ABCC1: variants seen among roughly 807,000 people sequenced by gnomAD.
ABCC1 encodes the protein ATP binding cassette subfamily C member 1 (ABCC1 blood group).
ABCC1 carries 83 observed loss-of-function variants against 172.9 expected under a neutral mutation model. That is an observed-to-expected ratio of 0.48 (90% CI 0.40 to 0.58). The LOEUF (loss-of-function observed/expected upper bound fraction) is 0.58, where lower values mean the gene tolerates loss of function less well. Among genes scored for constraint, ABCC1 ranks in the 20% least tolerant of loss-of-function variants. The probability of loss-of-function intolerance (pLI) is 0.00; values close to 1 mark genes in which losing one functional copy is unlikely to be tolerated. For synonymous variants in ABCC1, 937 were observed against 825.2 expected (o/e 1.14, Z -2.32); for missense variants, 1,817 against 2,002.7 (o/e 0.91, Z 1.77).
intron 7 of ABCC1, among the ~76,000 whole-genome samples, chr16:16,041,909 C>T (rs138395120): frequency 6.6e-6 from 1 of 152,058 alleles, no homozygotes; most frequent in Non-Finnish European, 1.5e-5. Flanking sequence ...CCAGCCTGGC[C>T]AACATGGTGA....
chr16:16,066,803 T>A (rs577204020), intron 12 of ABCC1, among the ~76,000 whole-genome samples: 21 of 150,574 alleles, frequency 1.4e-4, no homozygotes, highest in African/African-American at 5.1e-4. Context: ...ACTTGGAGAC[T>A]GAGGCATGAG....
chr16:16,136,794 G>A lies in ABCC1; in HGVS notation c.4292+150G>A, dbSNP rs913333239. 1.8e-5 allele frequency: 17 copies of A among 943,260 alleles called. No homozygotes were observed. In the Admixed American group the frequency reaches 3.7e-4, roughly 21 times the overall value. The allele number at this position is 943,260 out of a possible 1,614,324, so 58.4% of individuals were successfully genotyped here. A position where few individuals can be genotyped will look rare whatever the true frequency, so the allele number is the denominator to read the frequency against. On this transcript the variant is annotated intron_variant, in intron 29 of 30. Transcript: ENST00000399410. The stretch of plus-strand genomic sequence containing the variant: ...TTCACCTCTTGGAGCCTCAGTTTCT[G>A]TATCTGTAAAACGGGTCTCAATCCA...
chr16:16,048,198 C>T lies in ABCC1; in HGVS notation c.1275C>T (p.Asn425=), dbSNP rs1431072035. 2.5e-6 allele frequency: 4 copies of T among 1,614,078 alleles called. No homozygotes were observed. The African/African-American group carries it at 5.3e-5, about 22-fold the overall frequency. ...RKSSTVGEIV[N]LMSVDAQRFM... is the part of the protein sequence containing the mutation. Reference sequence around the variant, plus strand: ...CCTCCACGGTCGGGGAGATTGTCAACCTCATGTCTGTGGACGCTCAGAGGT... The same window carrying T: ...CCTCCACGGTCGGGGAGATTGTCAATCTCATGTCTGTGGACGCTCAGAGGT... The change falls in exon 10 of 31, where the codon AAC becomes AAT. Residue 425 remains asparagine (N), a synonymous_variant. Transcript: ENST00000399410.
intron 1 of ABCC1, among the ~76,000 whole-genome samples, chr16:16,004,379 C>G (rs1473009847): frequency 6.6e-6 from 1 of 152,158 alleles, no homozygotes; most frequent in Non-Finnish European, 1.5e-5. Flanking sequence ...TTGGAATGAG[C>G]TTTTACTGGC....
chr16:16,009,534 T>A (rs1313922835), intron 2 of ABCC1, among the ~76,000 whole-genome samples: 2 of 152,072 alleles, frequency 1.3e-5, no homozygotes, highest in Non-Finnish European at 2.9e-5. Flanking sequence ...AGACAAACAG[T>A]CCTGTTGGAG....
At chr16:16,010,474 A>G (rs562502378) in intron 3 of ABCC1, among the ~76,000 whole-genome samples, 3 of 152,196 alleles carry the variant, frequency 2.0e-5, no homozygotes, top group Admixed American at 1.3e-4. Flanking sequence ...TTGCTCTTGC[A>G]TTGGCTACTT....
intron 1 of ABCC1, among the ~76,000 whole-genome samples, chr16:15,991,197 G>A (rs187187444): frequency 3.3e-5 from 5 of 152,090 alleles, no homozygotes; most frequent in East Asian, 1.9e-4. Flanking sequence ...GGCGTTTAGC[G>A]TCCAGCTCAA....
chr16:16,068,260 TC>T lies in ABCC1; in HGVS notation c.1786del (p.Leu596Ter). ...SLALFNILRF[P>X]LNILPMVISS... ...TGGCCTTGTTCAACATCCTCCGGTT[TC>T]CCCTGAACATTCTCCCCATGGTCAT... On this transcript the variant is annotated frameshift_variant, in exon 13 of 31. Coordinates refer to ENST00000399410, the MANE Select transcript of ABCC1 (RefSeq NM_004996.4). LOFTEE classifies it high-confidence loss of function. 1 of 1,614,106 alleles carries T rather than the reference TC, an allele frequency of 6.2e-7. No homozygotes were observed.
At chr16:16,134,559 GAT>G in intron 28 of ABCC1, 51 bp downstream of exon 28, 1 of 1,565,912 alleles carries the variant, frequency 6.4e-7, no homozygotes, top group Non-Finnish European at 8.7e-7. Flanking sequence ...CAAGCCCTAT[GAT>G]TGCACTGACA....
At position 16,141,318 on chromosome 16, in the gene ABCC1, C is replaced by T; in HGVS notation, c.*37C>T. The stretch of plus-strand genomic sequence containing the variant: ...GGCATATCTGGTCAGAACTGCAGGG[C>T]CTATATGCCAGCGCCCAGGGAGGAG... On this transcript the variant is annotated 3_prime_UTR_variant, in exon 31 of 31. Coordinates refer to ENST00000399410, the MANE Select transcript of ABCC1 (RefSeq NM_004996.4). The T allele has an allele frequency of 1.3e-6, 2 of 1,590,496 alleles. No homozygotes were observed. Among genetic ancestry groups the T allele is most frequent in the Non-Finnish European group, 8.6e-7 (1 of 1,159,900 alleles).
At chr16:16,014,668 C>T in intron 4 of ABCC1, 40 bp downstream of exon 4, 1 of 1,608,446 alleles carries the variant, frequency 6.2e-7, no homozygotes, top group Non-Finnish European at 8.5e-7. Context: ...TTCAGTGGAC[C>T]CGGAGGGAGA....
intron 1 of ABCC1, among the ~76,000 whole-genome samples, chr16:15,984,900 T>C (rs1428572544): frequency 7.9e-5 from 12 of 151,930 alleles, no homozygotes; most frequent in African/African-American, 2.9e-4. Flanking sequence ...CTCAGGAGTT[T>C]GAGACCAGCC....
At chr16:15,971,724 C>T (rs568383832) in intron 1 of ABCC1, among the ~76,000 whole-genome samples, 2 of 152,222 alleles carry the variant, frequency 1.3e-5, no homozygotes, top group Non-Finnish European at 2.9e-5. Context: ...CAGGTTACAG[C>T]ACCATTTTGA....
At chr16:16,013,552 C>T (rs1330636912) in intron 3 of ABCC1, among the ~76,000 whole-genome samples, 1 of 125,648 alleles carries the variant, frequency 8.0e-6, no homozygotes, top group Admixed American at 8.7e-5. Context: ...TGAGCCACTG[C>T]ACCTGGCTGA....
intron 1 of ABCC1, among the ~76,000 whole-genome samples, chr16:15,974,395 A>AT (rs2046438205): frequency 1.3e-5 from 2 of 151,110 alleles, no homozygotes; most frequent in African/African-American, 4.9e-5. Context: ...TCAGACCCCC[A>AT]TTAAAGTTAA....
intron 7 of ABCC1, among the ~76,000 whole-genome samples, chr16:16,036,896 G>C (rs938772553): frequency 1.3e-5 from 2 of 152,162 alleles, no homozygotes; most frequent in African/African-American, 4.8e-5. Flanking sequence ...ACTTGGTCGG[G>C]AGTTTGAGAC....
At chr16:15,992,229 G>A (rs2046891655) in intron 1 of ABCC1, among the ~76,000 whole-genome samples, 1 of 150,282 alleles carries the variant, frequency 6.7e-6, no homozygotes, top group Non-Finnish European at 1.5e-5. Flanking sequence ...ACAAACTCAG[G>A]GCTCCCACCG....
intron 26 of ABCC1, among the ~76,000 whole-genome samples, chr16:16,130,722 C>T (rs1295182175): frequency 2.0e-5 from 3 of 152,176 alleles, no homozygotes; most frequent in Non-Finnish European, 4.4e-5. Flanking sequence ...CGTAGGAAGT[C>T]TCTGACAAGC....
chr16:16,132,510 G>GTTTTTTTTTTTTTTTTT lies in ABCC1; in HGVS notation c.3966+588_3966+604dup, dbSNP rs71137915. Among the ~76,000 whole-genome samples the GTTTTTTTTTTTTTTTTT allele has an allele frequency of 8.6e-4, 32 of 37,294 alleles. 3 individuals carry two copies. Among genetic ancestry groups the GTTTTTTTTTTTTTTTTT allele is most frequent in the Non-Finnish European group, 1.1e-3 (23 of 20,108 alleles). The allele number at this position is 37,294 out of a possible 152,430, so 24.5% of individuals were successfully genotyped here. On this transcript the variant is annotated intron_variant, in intron 27 of 30. Transcript: ENST00000399410. Reference sequence around the variant, plus strand: ...TTCTTTTTTTGTTTTTTGGTTGGTTGTTTTTTTTTTTTTTTTTTTTTTTTT... The same window carrying GTTTTTTTTTTTTTTTTT: ...TTCTTTTTTTGTTTTTTGGTTGGTTGTTTTTTTTTTTTTTTTTTTTTTTTTTTTTTTTTTTTTTTTTT...
Sources: gnomAD v4.1 joint callset for allele counts (sites outside exome capture counted in the v4.1 genomes callset) on GRCh38, gnomAD v4.1.1 for gene constraint, MANE v1.5 for transcripts, NCBI Gene and HGNC (gene_info 2026-07-23, HGNC 2026-07-21) for gene names.